The following LZIC variants were observed in gnomAD, a reference collection of about 807,000 sequenced individuals.
LZIC encodes leucine zipper and CTNNBIP1 domain containing, also known as protein LZIC.
In LZIC, 28 loss-of-function variants were observed where a neutral mutation model predicts 25.4. The ratio of observed to expected loss-of-function variants is 1.10; its 90% CI spans 0.82 to 1.51. The LOEUF is 1.51. Ranked by LOEUF, LZIC falls within the 40% of genes most tolerant of loss-of-function variation. LZIC has a pLI of 0.00. For missense variants in LZIC, 170 were observed against 211.1 expected (o/e 0.81, Z 1.21); for synonymous variants, 65 against 70.7 (o/e 0.92, Z 0.40).
intron 5 of LZIC, among the ~76,000 whole-genome samples, chr1:9,933,283 A>AAT (rs772364108): frequency 0.086 from 5,015 of 58,018 alleles, 156 homozygotes; most frequent in Middle Eastern, 0.12. Flanking sequence ...AAAAAAAAAA[A>AAT]ATATATATAT....
intron 4 of LZIC, among the ~76,000 whole-genome samples, chr1:9,935,247 G>A (rs1640403206): frequency 6.6e-6 from 1 of 152,068 alleles, no homozygotes; most frequent in Non-Finnish European, 1.5e-5. Flanking sequence ...TGACCAACAT[G>A]GAGAAACCCC....
intron 7 of LZIC, 39 bp downstream of exon 7, chr1:9,931,852 T>C: frequency 7.6e-7 from 1 of 1,321,028 alleles, no homozygotes; most frequent in Non-Finnish European, 1.1e-6. Context: ...TATATGACAG[T>C]AGTATACGAC....
chr1:9,932,101 TGGGGG>T (rs550002629), intron 6 of LZIC, 129 bp from the exon 7 acceptor site: 55,618 of 185,384 alleles, frequency 0.3, 4,521 homozygotes, highest in South Asian at 0.4. Flanking sequence ...TTGGGAGGCG[TGGGGG>T]GGGGGGGGGG....
downstream of LZIC, chr1:9,922,202 G>T: frequency 1.4e-6 from 1 of 704,182 alleles, no homozygotes; most frequent in Non-Finnish European, 1.7e-6. Context: ...TTCTTGTGCT[G>T]GGCTTTAACT....
chr1:9,939,332 G>C lies in LZIC; in HGVS notation c.-8-2705C>G, dbSNP rs1000765081. On this transcript the variant is annotated intron_variant, in intron 2 of 7. Coordinates refer to ENST00000377223, the MANE Select transcript of LZIC (RefSeq NM_032368.5). Reference sequence around the variant, plus strand: ...TCACCCCAGCCTCCCAAAGTGCTAGGATTACAGGCATGAGGCACCCCACTT... The same window carrying C: ...TCACCCCAGCCTCCCAAAGTGCTAGCATTACAGGCATGAGGCACCCCACTT... Among the ~76,000 whole-genome samples the C allele has an allele frequency of 2.0e-5, 3 of 150,058 alleles. No individual in the cohort carries two copies. The Admixed American group carries it at 2.0e-4, about 10-fold the overall frequency.
chr1:9,941,172 CT>C (rs1395418429), intron 2 of LZIC, among the ~76,000 whole-genome samples: 1 of 86,320 alleles, frequency 1.2e-5, no homozygotes, highest in African/African-American at 2.6e-5. Flanking sequence ...TTTACCTTTT[CT>C]TTCTTTCGTT....
chr1:9,934,761 C>T lies in LZIC; in HGVS notation c.336+1G>A. The T allele has an allele frequency of 6.2e-7, 1 of 1,612,136 alleles. No homozygotes were observed. On this transcript the variant is annotated splice_donor_variant, in intron 5 of 7. Coordinates refer to ENST00000377223, the MANE Select transcript of LZIC (RefSeq NM_032368.5). LOFTEE classifies it high-confidence loss of function. ...ACCAAATCAATTTAAAGAAATTTTA[C>T]CTCTGCTAACCTTGTCCGAAGCTGA...
chr1:9,942,560 A>T, intron 2 of LZIC, 64 bp downstream of exon 2: 1 of 785,708 alleles, frequency 1.3e-6, no homozygotes. Context: ...TTTCACTTTT[A>T]CGAAACTACA....
Position 9,930,218 on chromosome 1 carries a change from A to C in LZIC, c.*181T>G. 6.9e-7 allele frequency: 1 copy of C among 1,453,282 alleles called. No individual in the cohort carries two copies. The allele number at this position is 1,453,282 out of a possible 1,614,324, so 90.0% of individuals were successfully genotyped here. On this transcript the variant is annotated 3_prime_UTR_variant, in exon 8 of 8. Transcript: ENST00000377223. Reference sequence around the variant, plus strand: ...CAGGATCACTCAAGCAGGTAACCGCACACAACGCACAATGATGAAGAGCAT... The same window carrying C: ...CAGGATCACTCAAGCAGGTAACCGCCCACAACGCACAATGATGAAGAGCAT...
At position 9,926,519 on chromosome 1, in the gene LZIC, T is replaced by TCA. The variant is rs1639990533; in HGVS notation, c.*3878_*3879dup. Among the ~76,000 whole-genome samples the TCA allele has an allele frequency of 1.3e-5, 2 of 152,228 alleles. No homozygotes were observed. Among genetic ancestry groups the TCA allele is most frequent in the African/African-American group, 4.8e-5 (2 of 41,458 alleles). The stretch of plus-strand genomic sequence containing the variant: ...TCTAACTCTTCCTGGGAACAATTCC[T>TCA]CATTCTGTTACTTGATTTCTTCCTT... On this transcript the variant is annotated 3_prime_UTR_variant, in exon 8 of 8. Transcript: ENST00000377223.
chr1:9,934,631 A>T, intron 5 of LZIC, 131 bp downstream of exon 5: 1 of 743,984 alleles, frequency 1.3e-6, no homozygotes, highest in East Asian at 2.5e-5. Flanking sequence ...TCAAAGTACT[A>T]ATTTTGTCAG....
rs533605422 is a variant in LZIC, at chr1:9,942,132, G to T, written c.-9+492C>A. Among the ~76,000 whole-genome samples the T allele has an allele frequency of 8.6e-4, 131 of 151,862 alleles. 2 individuals are homozygous for T. Among genetic ancestry groups the T allele is most frequent in the African/African-American group, 2.8e-3 (115 of 41,426 alleles). ...GGGTTTCACCATGTTGTCCAGGCGA[G>T]TCTTGAACTCCTGACCTCTGGTGAT... On this transcript the variant is annotated intron_variant, in intron 2 of 7. Coordinates refer to ENST00000377223, the MANE Select transcript of LZIC (RefSeq NM_032368.5).
chr1:9,922,550 C>T (rs907315924), downstream of LZIC, among the ~76,000 whole-genome samples: 9 of 152,218 alleles, frequency 5.9e-5, no homozygotes, highest in African/African-American at 2.2e-4. Flanking sequence ...TAGCTTGCCT[C>T]ATAAAGTAGT....
downstream of LZIC, among the ~76,000 whole-genome samples, chr1:9,924,190 G>A (rs1398080392): frequency 6.6e-6 from 1 of 152,114 alleles, no homozygotes; most frequent in Non-Finnish European, 1.5e-5. Context: ...CCAGCCAATA[G>A]TTGTTTTTCA....
chr1:9,942,698 C>T lies in LZIC; in HGVS notation c.-83G>A. 7.8e-7 allele frequency: 1 copy of T among 1,289,292 alleles called. No homozygotes were observed. The highest frequency in any genetic ancestry group is 1.5e-5 in the African/African-American group (1 of 65,996). 79.9% of individuals were successfully genotyped at this position (1,289,292 alleles called of 1,614,324 possible). On this transcript the variant is annotated 5_prime_UTR_variant, in exon 2 of 8. Transcript: ENST00000377223. ...GCACAAACCTCCAGTTCTTGACGTT[C>T]CGAGTGTCATAAACTTGAGGAAAAT...
At position 9,930,202 on chromosome 1, in the gene LZIC, T is replaced by C; in HGVS notation, c.*197A>G. On this transcript the variant is annotated 3_prime_UTR_variant, in exon 8 of 8. Transcript: ENST00000377223. ...TCTGTCGCAACAAGTTCAGGATCACTCAAGCAGGTAACCGCACACAACGCA... is the reference window on the plus strand; with the variant it reads ...TCTGTCGCAACAAGTTCAGGATCACCCAAGCAGGTAACCGCACACAACGCA... 5.0e-6 allele frequency: 7 copies of C among 1,412,506 alleles called. No individual in the cohort carries two copies. The highest frequency in any genetic ancestry group is 6.5e-6 in the Non-Finnish European group (7 of 1,079,726). The allele number at this position is 1,412,506 out of a possible 1,614,324, so 87.5% of individuals were successfully genotyped here.
chr1:9,931,546 G>C lies in LZIC; in HGVS notation c.514+345C>G, dbSNP rs949391880. ...CAAAGTGCTGGGATTACAGGTGTGAGCCACCGCACCCGGCCTTGGCCTCCC... is the reference window on the plus strand; with the variant it reads ...CAAAGTGCTGGGATTACAGGTGTGACCCACCGCACCCGGCCTTGGCCTCCC... On this transcript the variant is annotated intron_variant, in intron 7 of 7. Transcript: ENST00000377223. 4.6e-5 allele frequency among the ~76,000 whole-genome samples: 7 copies of C among 152,170 alleles called. No individual in the cohort carries two copies. In the South Asian group the frequency reaches 1.0e-3, roughly 23 times the overall value.
At chr1:9,934,935 C>G in intron 4 of LZIC, 75 bp from the exon 5 acceptor site, 3 of 1,091,582 alleles carry the variant, frequency 2.7e-6, no homozygotes, top group Middle Eastern at 2.0e-4. Flanking sequence ...ATTGACGGAT[C>G]CTTAATTTTT....
chr1:9,930,592 C>A, intron 7 of LZIC, 135 bp from the exon 8 acceptor site: 1 of 1,224,616 alleles, frequency 8.2e-7, no homozygotes, highest in Admixed American at 2.4e-5. Context: ...GTGTATTAAC[C>A]CCTACACGTT....
Sources: allele counts gnomAD v4.1 joint callset (sites outside exome capture counted in the v4.1 genomes callset), GRCh38; gene constraint gnomAD v4.1.1; transcripts MANE v1.5; gene names NCBI Gene and HGNC (gene_info 2026-07-23, HGNC 2026-07-21).